The following TLR6 variants were observed in gnomAD, a reference collection of about 807,000 sequenced individuals.
TLR6 encodes the protein toll like receptor 6, also known as toll-like receptor 6.
TLR6 carries 9 observed loss-of-function variants against 16.1 expected under a neutral mutation model. The observed-to-expected ratio is 0.56, with a 90% CI of 0.34 to 0.98. TLR6 has a LOEUF of 0.98. TLR6 is among the 50% of genes least tolerant of loss of function. TLR6 has a pLI of 0.02. For missense variants in TLR6, 786 were observed against 921.0 expected (o/e 0.85, Z 1.90); for synonymous variants, 340 against 338.6 (o/e 1.00, Z -0.04).
chr4:38,848,163 A>C lies in TLR6; in HGVS notation c.-65+8598T>G, dbSNP rs1712615976. Among the ~76,000 whole-genome samples, 4 of 152,384 alleles carry C rather than the reference A, an allele frequency of 2.6e-5. No homozygotes were observed. In the South Asian group the frequency reaches 8.3e-4, roughly 32 times the overall value. On this transcript the variant is annotated intron_variant, in intron 1 of 1. Transcript: ENST00000436693. ...TCTGCAGCCTCCGCTGCTGATACCC[A>C]GTCAAACAGGGTCTGGAGTGGACCT...
At chr4:38,846,215 A>G (rs1712524958) in intron 1 of TLR6, among the ~76,000 whole-genome samples, 1 of 152,212 alleles carries the variant, frequency 6.6e-6, no homozygotes, top group African/African-American at 2.4e-5. Flanking sequence ...ACACAGTTGC[A>G]CAATCAAGAA....
exon 2 of TLR6, chr4:38,827,801 G>A: frequency 6.2e-7 from 1 of 1,614,198 alleles, no homozygotes; most frequent in Non-Finnish European, 8.5e-7. Flanking sequence ...ACACTTATAA[G>A]AATCAGGCCA....
chr4:38,845,229 C>T (rs1303022163), intron 1 of TLR6, among the ~76,000 whole-genome samples: 1 of 152,134 alleles, frequency 6.6e-6, no homozygotes, highest in Non-Finnish European at 1.5e-5. Context: ...CCATAACACA[C>T]TAAAAGGCAA....
chr4:38,849,806 C>G (rs1712692856), intron 1 of TLR6, among the ~76,000 whole-genome samples: 1 of 152,174 alleles, frequency 6.6e-6, no homozygotes, highest in Admixed American at 6.6e-5. Flanking sequence ...TAACACCCCA[C>G]TGTCAACATT....
chr4:38,852,713 T>C (rs1252636264), intron 1 of TLR6, among the ~76,000 whole-genome samples: 1 of 150,892 alleles, frequency 6.6e-6, no homozygotes, highest in Non-Finnish European at 1.5e-5. Flanking sequence ...ATGGCGATCA[T>C]TAAAAAGTCA....
At chr4:38,863,826 C>T in the TLR6 span, among the ~76,000 whole-genome samples, 1 of 152,192 alleles carries the variant, frequency 6.6e-6, no homozygotes, top group Non-Finnish European at 1.5e-5. Flanking sequence ...CCCACCTTCA[C>T]CCAATTCCAA....
At chr4:38,834,346 A>G (rs1711790670) in intron 1 of TLR6, among the ~76,000 whole-genome samples, 1 of 142,068 alleles carries the variant, frequency 7.0e-6, no homozygotes, top group African/African-American at 2.5e-5. Flanking sequence ...TAACCCAGTG[A>G]GGCGAAAAAA....
chr4:38,846,261 AGG>A (rs537906412), intron 1 of TLR6, among the ~76,000 whole-genome samples: 234 of 152,326 alleles, frequency 1.5e-3, no homozygotes, highest in African/African-American at 5.5e-3. Flanking sequence ...CATAATAGAA[AGG>A]AGCCAAACTC....
exon 2 of TLR6, chr4:38,825,351 A>G (rs2109399088): frequency 6.6e-6 from 1 of 152,368 alleles, no homozygotes; most frequent in Admixed American, 6.5e-5. Context: ...CCTTGCAGTG[A>G]AATGACGAAG....
At chr4:38,830,412 C>A (rs1034981406) in intron 1 of TLR6, among the ~76,000 whole-genome samples, 8 of 152,132 alleles carry the variant, frequency 5.3e-5, no homozygotes, top group Admixed American at 3.3e-4. Flanking sequence ...CAAGAAGCAA[C>A]AATACACCCT....
Position 38,827,123 on chromosome 4 carries a change from T to C in TLR6, c.2351A>G (p.Lys784Arg), listed in dbSNP as rs368349445. Residue 784 changes from lysine (K) to arginine (R), a missense_variant, in exon 2 of 2, where the codon AAA becomes AGA. Coordinates refer to ENST00000436693, the Ensembl canonical transcript of TLR6. ...ATTGTTTTCAGTGACTAGTGTTAAT[T>C]TCATATTAAAAGCGGCTCTAATGTT... 3.1e-6 allele frequency: 5 copies of C among 1,603,948 alleles called. No homozygotes were observed. In the East Asian group the frequency reaches 1.1e-4, roughly 36 times the overall value.
At chr4:38,853,235 TG>T (rs1412907035) in intron 1 of TLR6, among the ~76,000 whole-genome samples, 1 of 62,096 alleles carries the variant, frequency 1.6e-5, no homozygotes, top group Non-Finnish European at 2.8e-5. Flanking sequence ...TGTCGTGGGG[TG>T]GGGGGAGGGG....
At chr4:38,853,087 T>C (rs1370874234) in intron 1 of TLR6, among the ~76,000 whole-genome samples, 1 of 150,650 alleles carries the variant, frequency 6.6e-6, no homozygotes, top group African/African-American at 2.5e-5. Flanking sequence ...TGTAGGGACA[T>C]GGATGAAGCT....
the TLR6 span, among the ~76,000 whole-genome samples, chr4:38,866,858 T>A: frequency 5.6e-4 from 86 of 152,304 alleles, 1 homozygote; most frequent in South Asian, 0.017. Flanking sequence ...CTATTTTTTC[T>A]TTAACTTTGA....
At chr4:38,847,975 A>C (rs1712602585) in intron 1 of TLR6, among the ~76,000 whole-genome samples, 1 of 152,236 alleles carries the variant, frequency 6.6e-6, no homozygotes. Flanking sequence ...GGGAATGGAC[A>C]GACTGCCTCC....
In TLR6 at chr4:38,834,866, C is replaced by T. The variant is rs79146871; in HGVS notation, c.-64-5329G>A. Reference sequence around the variant, plus strand: ...ACTGAGGGAATTCATCACCACTAGACGAGCCCTACAAGAAATGCTTAAGAG... The same window carrying T: ...ACTGAGGGAATTCATCACCACTAGATGAGCCCTACAAGAAATGCTTAAGAG... On this transcript the variant is annotated intron_variant, in intron 1 of 1. Coordinates refer to ENST00000436693, the Ensembl canonical transcript of TLR6. Among the ~76,000 whole-genome samples, 731 of 152,300 alleles carry T rather than the reference C, an allele frequency of 4.8e-3. 3 individuals carry two copies. Among genetic ancestry groups the T allele is most frequent in the African/African-American group, 0.017 (690 of 41,564 alleles).
At chr4:38,855,166 C>T (rs1181171298) in intron 1 of TLR6, among the ~76,000 whole-genome samples, 1 of 148,284 alleles carries the variant, frequency 6.7e-6, no homozygotes, top group Admixed American at 6.8e-5. Context: ...GAGCCGAGAT[C>T]GTGCCGCTGC....
intron 1 of TLR6, among the ~76,000 whole-genome samples, chr4:38,853,353 C>T (rs999457542): frequency 1.3e-5 from 2 of 149,498 alleles, no homozygotes; most frequent in African/African-American, 4.9e-5. Context: ...ATGTTGTGCA[C>T]ATGTACCCTA....
At chr4:38,852,365 A>C (rs1168691034) in intron 1 of TLR6, among the ~76,000 whole-genome samples, 14 of 152,208 alleles carry the variant, frequency 9.2e-5, no homozygotes, top group Non-Finnish European at 1.6e-4. Flanking sequence ...GCAACAAAAG[A>C]CAAAATTGAC....
Sources: allele counts gnomAD v4.1 joint callset (sites outside exome capture counted in the v4.1 genomes callset), GRCh38; gene constraint gnomAD v4.1.1; transcripts MANE v1.5; gene names NCBI Gene and HGNC (gene_info 2026-07-23, HGNC 2026-07-21).